Variants in LIMD1 observed in about 807,000 individuals in gnomAD.
LIMD1 encodes LIM domain containing 1.
A neutral mutation model predicts 58.4 loss-of-function variants in LIMD1; 23 were observed. The ratio of observed to expected loss-of-function variants is 0.39; its 90% CI spans 0.28 to 0.56. The LOEUF (loss-of-function observed/expected upper bound fraction) is 0.56. Among genes scored for constraint, LIMD1 ranks in the 20% least tolerant of loss-of-function variants. The pLI is 0.57. For synonymous variants in LIMD1, 334 were observed against 345.5 expected (o/e 0.97, Z 0.37); for missense variants, 838 against 855.5 (o/e 0.98, Z 0.25).
chr3:45,597,861 G>A (rs1701373016), intron 1 of LIMD1, among the ~76,000 whole-genome samples: 2 of 152,242 alleles, frequency 1.3e-5, no homozygotes, highest in South Asian at 4.1e-4. Context: ...GCTTATGGTA[G>A]CATTGTGTTT....
At chr3:45,607,208 A>G (rs2125649587) in intron 1 of LIMD1, among the ~76,000 whole-genome samples, 1 of 152,356 alleles carries the variant, frequency 6.6e-6, no homozygotes, top group Non-Finnish European at 1.5e-5. Flanking sequence ...AACGCAGGGT[A>G]GCACTTGCCA....
At position 45,595,452 on chromosome 3, in the gene LIMD1, T is replaced by G; in HGVS notation, c.573T>G (p.Gly191=). 1 of 1,613,850 alleles carries G rather than the reference T, an allele frequency of 6.2e-7. No individual in the cohort carries two copies. Among genetic ancestry groups the G allele is most frequent in the Non-Finnish European group, 8.5e-7 (1 of 1,179,896 alleles). The part of the protein sequence containing the change: ...DNLSLASPKW[G]DKPGVSPSIG... ...TCTCCTTGGCAAGCCCAAAGTGGGG[T>G]GACAAACCAGGAGTGTCCCCCAGCA... Residue 191 remains glycine (G), a synonymous_variant, in exon 1 of 8, where the codon GGT becomes GGG. Coordinates refer to ENST00000273317, the MANE Select transcript of LIMD1 (RefSeq NM_014240.3).
At position 45,595,706 on chromosome 3, in the gene LIMD1, C is replaced by G. The variant is rs571336485; in HGVS notation, c.827C>G (p.Pro276Arg). The G allele has an allele frequency of 4.6e-5, 75 of 1,614,178 alleles. No homozygotes were observed. The South Asian group carries it at 7.8e-4, about 17-fold the overall frequency. ...ASSQRVSPGL[P>R]SPNLENGAPA... ...TCCCAGCGGGTGAGCCCTGGCCTGC[C>G]TTCCCCAAACTTGGAGAACGGAGCA... The change falls in exon 1 of 8, where the codon CCT (proline) becomes CGT (arginine). Residue 276 changes from proline (P) to arginine (R), a missense_variant. Physicochemically the swap from Pro to Arg is moderately radical, Grantham distance 103. This residue lies in a region of LIMD1 where 659 missense variants were observed against 639.8 expected (regional missense o/e 1.03). Coordinates refer to ENST00000273317, the MANE Select transcript of LIMD1 (RefSeq NM_014240.3).
chr3:45,649,915 G>A (rs1296767521), intron 2 of LIMD1, among the ~76,000 whole-genome samples: 4 of 105,928 alleles, frequency 3.8e-5, no homozygotes, highest in African/African-American at 1.5e-4. Context: ...TCTATTCTCT[G>A]TATGTGACAT....
chr3:45,602,028 C>T (rs1277098051), intron 1 of LIMD1, among the ~76,000 whole-genome samples: 15 of 151,924 alleles, frequency 9.9e-5, no homozygotes, highest in African/African-American at 3.1e-4. Flanking sequence ...CTGCAAGCTC[C>T]GCCTCCCAGG....
chr3:45,642,368 G>A (rs1417961974), intron 2 of LIMD1, among the ~76,000 whole-genome samples: 2 of 151,820 alleles, frequency 1.3e-5, no homozygotes, highest in East Asian at 1.9e-4. Context: ...GTAGAGACAG[G>A]GTCTTGCTAT....
At chr3:45,663,368 T>G (rs1192421108) in intron 2 of LIMD1, among the ~76,000 whole-genome samples, 1 of 152,230 alleles carries the variant, frequency 6.6e-6, no homozygotes, top group East Asian at 1.9e-4. Flanking sequence ...TATTGGCCCT[T>G]GACAAATTGT....
intron 2 of LIMD1, among the ~76,000 whole-genome samples, chr3:45,642,173 C>CTT (rs763109409): frequency 2.1e-5 from 3 of 145,004 alleles, no homozygotes; most frequent in Admixed American, 6.9e-5. Context: ...AAAATTGTAT[C>CTT]TTTTTTTTTT....
chr3:45,609,628 C>A (rs552878214), intron 1 of LIMD1, among the ~76,000 whole-genome samples: 1 of 152,296 alleles, frequency 6.6e-6, no homozygotes, highest in South Asian at 2.1e-4. Flanking sequence ...CTCACTTACC[C>A]CTGCCCCAGA....
At chr3:45,607,595 G>C (rs1049381632) in intron 1 of LIMD1, among the ~76,000 whole-genome samples, 1 of 152,118 alleles carries the variant, frequency 6.6e-6, no homozygotes, top group African/African-American at 2.4e-5. Flanking sequence ...TCCAGGGAGG[G>C]AGTTTGCATT....
At position 45,640,046 on chromosome 3, in the gene LIMD1, G is replaced by T. The variant is rs568844395; in HGVS notation, c.1510+3795G>T. ...GATGAGTCTGTGGGTTCCACCCAAGGCTGCTAGAGTGGCTGTCTATTTCTT... is the reference window on the plus strand; with the variant it reads ...GATGAGTCTGTGGGTTCCACCCAAGTCTGCTAGAGTGGCTGTCTATTTCTT... On this transcript the variant is annotated intron_variant, in intron 2 of 7. Transcript: ENST00000273317. 1.1e-4 allele frequency among the ~76,000 whole-genome samples: 17 copies of T among 152,356 alleles called. No homozygotes were observed. In the South Asian group the frequency reaches 1.2e-3, roughly 11 times the overall value.
chr3:45,604,726 C>T (rs1701450795), intron 1 of LIMD1, among the ~76,000 whole-genome samples: 3 of 152,164 alleles, frequency 2.0e-5, no homozygotes, highest in Non-Finnish European at 4.4e-5. Flanking sequence ...CAATCCCTTC[C>T]AAGCAGGCTG....
At chr3:45,661,507 A>G (rs1338898550) in intron 2 of LIMD1, among the ~76,000 whole-genome samples, 2 of 152,230 alleles carry the variant, frequency 1.3e-5, no homozygotes, top group South Asian at 2.1e-4. Context: ...TTAGCAAGCT[A>G]TTATAAATCT....
intron 1 of LIMD1, among the ~76,000 whole-genome samples, chr3:45,614,236 A>G (rs1228233492): frequency 2.0e-5 from 3 of 152,036 alleles, no homozygotes; most frequent in Non-Finnish European, 4.4e-5. Context: ...CTAGTACAGA[A>G]ATCCTCTTAG....
At chr3:45,655,954 A>T (rs978710597) in intron 2 of LIMD1, among the ~76,000 whole-genome samples, 2 of 152,208 alleles carry the variant, frequency 1.3e-5, no homozygotes, top group Non-Finnish European at 2.9e-5. Flanking sequence ...ACAAATCCTT[A>T]TGTTGAATCT....
chr3:45,668,712 C>G (rs1315811743), intron 4 of LIMD1, among the ~76,000 whole-genome samples: 1 of 151,272 alleles, frequency 6.6e-6, no homozygotes, highest in African/African-American at 2.4e-5. Flanking sequence ...AAGATCACGC[C>G]ACTGCACTCC....
intron 1 of LIMD1, 21 bp from the exon 2 acceptor site, chr3:45,636,129 A>G (rs780247384): frequency 1.2e-6 from 2 of 1,611,738 alleles, no homozygotes; most frequent in Non-Finnish European, 8.5e-7. Context: ...TGACTCACTG[A>G]TGTTTCTCTT....
In LIMD1 at chr3:45,684,758, T is replaced by C. The variant is rs1697790093; in HGVS notation, c.*7699T>C. 1 of 152,210 alleles carries C rather than the reference T, an allele frequency of 6.6e-6. No homozygotes were observed. The highest frequency in any genetic ancestry group is 2.1e-4 in the South Asian group (1 of 4,826). The allele number at this position is 152,210 out of a possible 1,614,324, so 9.4% of individuals were successfully genotyped here. On this transcript the variant is annotated 3_prime_UTR_variant, in exon 8 of 8. Transcript: ENST00000273317. Reference sequence around the variant, plus strand: ...TAGGGTTTTTTACTTGGCCAGAGCCTTGACACCTGCACACATGGCAACAAA... The same window carrying C: ...TAGGGTTTTTTACTTGGCCAGAGCCCTGACACCTGCACACATGGCAACAAA...
At chr3:45,647,729 C>T (rs113616010) in intron 2 of LIMD1, among the ~76,000 whole-genome samples, 98 of 152,326 alleles carry the variant, frequency 6.4e-4, no homozygotes, top group African/African-American at 2.2e-3. Flanking sequence ...TTTGCCTTAA[C>T]ATTGTAGTCC....
Sources: allele counts gnomAD v4.1 joint callset (sites outside exome capture counted in the v4.1 genomes callset), GRCh38; gene constraint gnomAD v4.1.1; regional missense constraint gnomAD v4.1.1; transcripts MANE v1.5; gene names NCBI Gene and HGNC (gene_info 2026-07-23, HGNC 2026-07-21).